The following HIVEP3 variants were observed in gnomAD, a reference collection of about 807,000 sequenced individuals.
HIVEP3 encodes transcription factor HIVEP3.
Under a neutral mutation model 152.8 loss-of-function variants are expected in HIVEP3, and 49 were observed. The observed-to-expected ratio is 0.32, with a 90% confidence interval of 0.26 to 0.41. The LOEUF is 0.41. Ranked by LOEUF, HIVEP3 falls within the 10% of genes least tolerant of loss-of-function variation. The probability of loss-of-function intolerance (pLI) is 1.00; values close to 1 mark genes in which losing one functional copy is unlikely to be tolerated. For missense variants in HIVEP3, 2,790 were observed against 3,103.3 expected (o/e 0.90, Z 2.40); for synonymous variants, 1,269 against 1,289.0 (o/e 0.98, Z 0.33).
At chr1:41,955,914 GA>G (rs546293479) in intron 1 of HIVEP3, among the ~76,000 whole-genome samples, 2 of 152,334 alleles carry the variant, frequency 1.3e-5, no homozygotes, top group South Asian at 4.1e-4. Flanking sequence ...GGAAGATCTG[GA>G]AATTGAAGGA....
chr1:41,852,329 C>T (rs892684874), intron 1 of HIVEP3, among the ~76,000 whole-genome samples: 1 of 152,244 alleles, frequency 6.6e-6, no homozygotes, highest in African/African-American at 2.4e-5. Context: ...AGGAGAAGAC[C>T]ACTGTGAGAG....
intron 1 of HIVEP3, among the ~76,000 whole-genome samples, chr1:41,719,105 A>G (rs963348005): frequency 3.3e-5 from 5 of 152,276 alleles, no homozygotes; most frequent in Non-Finnish European, 7.3e-5. Flanking sequence ...GTGCTGCTGC[A>G]GCTAAAGACA....
chr1:41,623,259 A>C (rs1296698439), intron 3 of HIVEP3, among the ~76,000 whole-genome samples: 1 of 152,176 alleles, frequency 6.6e-6, no homozygotes, highest in African/African-American at 2.4e-5. Context: ...AGAAACCACG[A>C]AACTTCCTAC....
chr1:41,618,481 C>A (rs898539725), intron 3 of HIVEP3, among the ~76,000 whole-genome samples: 4 of 152,214 alleles, frequency 2.6e-5, no homozygotes, highest in Non-Finnish European at 5.9e-5. Context: ...TGGCTCCTGG[C>A]AGCCTCCTAC....
chr1:41,552,776 C>A (rs1235878523), intron 5 of HIVEP3, among the ~76,000 whole-genome samples: 1 of 152,130 alleles, frequency 6.6e-6, no homozygotes, highest in East Asian at 1.9e-4. Flanking sequence ...AGTTCTAGAT[C>A]CCTGAACTCA....
intron 5 of HIVEP3, 94 bp from the exon 6 acceptor site, chr1:41,525,004 C>A: frequency 8.3e-7 from 1 of 1,200,784 alleles, no homozygotes; most frequent in African/African-American, 1.5e-5. Context: ...ATTCATCCAG[C>A]CCGTTACAGA....
chr1:41,657,306 C>A (rs1645643201), intron 2 of HIVEP3, among the ~76,000 whole-genome samples: 1 of 152,194 alleles, frequency 6.6e-6, no homozygotes, highest in Admixed American at 6.5e-5. Context: ...AAGCTCACAT[C>A]CTCGTCTCTG....
At chr1:41,880,069 T>C (rs1644237015) in intron 1 of HIVEP3, among the ~76,000 whole-genome samples, 1 of 152,098 alleles carries the variant, frequency 6.6e-6, no homozygotes, top group Non-Finnish European at 1.5e-5. Context: ...CTCTCTTTTT[T>C]CTTTTTTCTG....
chr1:41,627,900 C>A (rs895344869), intron 3 of HIVEP3, among the ~76,000 whole-genome samples: 1 of 151,668 alleles, frequency 6.6e-6, no homozygotes, highest in Non-Finnish European at 1.5e-5. Flanking sequence ...CCCTCCCTTC[C>A]TTCCTTCCTT....
intron 1 of HIVEP3, among the ~76,000 whole-genome samples, chr1:41,996,158 T>C (rs1645394435): frequency 6.6e-6 from 1 of 151,818 alleles, no homozygotes; most frequent in African/African-American, 2.4e-5. Context: ...ATCAGGAGGC[T>C]GAGGTGAGAG....
At position 41,510,030 on chromosome 1, in the gene HIVEP3, T is replaced by G. The variant is rs1172718600; in HGVS notation, c.*421A>C. ...TGATCGCATCTGTACACAGGAGTGC[T>G]TCCTTTTACATTTAATTCTATATTG... On this transcript the variant is annotated 3_prime_UTR_variant, in exon 9 of 9. Transcript: ENST00000372583. 6.5e-6 allele frequency: 1 copy of G among 154,192 alleles called. No homozygotes were observed. Among genetic ancestry groups the G allele is most frequent in the Admixed American group, 6.5e-5 (1 of 15,322 alleles). 9.6% of individuals were successfully genotyped at this position (154,192 alleles called of 1,614,324 possible).
chr1:41,641,389 C>G (rs1003155969), intron 2 of HIVEP3, among the ~76,000 whole-genome samples: 2 of 152,212 alleles, frequency 1.3e-5, no homozygotes, highest in Non-Finnish European at 2.9e-5. Context: ...TCCGGGGACC[C>G]AGCCAGGCTT....
chr1:41,679,060 T>C (rs560528998), intron 2 of HIVEP3, among the ~76,000 whole-genome samples: 26 of 152,286 alleles, frequency 1.7e-4, no homozygotes, highest in Non-Finnish European at 3.4e-4. Context: ...AAGGGATACA[T>C]CTCAAGGATC....
chr1:41,662,914 C>G lies in HIVEP3; in HGVS notation c.-720-33967G>C, dbSNP rs927879542. Among the ~76,000 whole-genome samples, 9 of 151,990 alleles carry G rather than the reference C, an allele frequency of 5.9e-5. No homozygotes were observed. The highest frequency in any genetic ancestry group is 2.2e-4 in the African/African-American group (9 of 41,424). On this transcript the variant is annotated intron_variant, in intron 2 of 8. Transcript: ENST00000372583. The surrounding 1 kb of genome is among the most constrained non-coding windows in gnomAD (Gnocchi z 7.2). ...GGTGCCAGCCGGGCTCCGGGAAGCC[C>G]GCGCCTCCCCAGGCGGGAATCCGCT... is the stretch of plus-strand genomic sequence containing the variant.
At chr1:41,969,046 A>G (rs139237501) in intron 1 of HIVEP3, among the ~76,000 whole-genome samples, 2,436 of 152,304 alleles carry the variant, frequency 0.016, 38 homozygotes, top group Non-Finnish European at 0.021. Context: ...ACTACTGCTC[A>G]AGGAAATCAG....
At chr1:41,702,198 T>A (rs1476553405) in intron 1 of HIVEP3, among the ~76,000 whole-genome samples, 1 of 152,008 alleles carries the variant, frequency 6.6e-6, no homozygotes, top group Admixed American at 6.6e-5. Context: ...ATCACCATCA[T>A]CCCCACCAAC....
intron 3 of HIVEP3, among the ~76,000 whole-genome samples, chr1:41,613,014 C>T (rs1644919774): frequency 6.6e-6 from 1 of 152,214 alleles, no homozygotes; most frequent in Non-Finnish European, 1.5e-5. Context: ...CAGGAAGCGC[C>T]CAAGGAAGCT....
intron 1 of HIVEP3, among the ~76,000 whole-genome samples, chr1:41,829,858 C>T (rs1026016137): frequency 3.3e-5 from 5 of 151,052 alleles, no homozygotes; most frequent in African/African-American, 4.9e-5. Context: ...ACCTGTAAAG[C>T]GGAAAGATCT....
intron 5 of HIVEP3, among the ~76,000 whole-genome samples, chr1:41,557,207 T>C (rs970791211): frequency 2.0e-5 from 3 of 152,204 alleles, no homozygotes; most frequent in Non-Finnish European, 4.4e-5. Flanking sequence ...GTAAACTATC[T>C]ATGGCATCTG....
Sources: gnomAD v4.1 joint callset for allele counts (sites outside exome capture counted in the v4.1 genomes callset) on GRCh38, gnomAD v4.1.1 for gene constraint, Gnocchi (gnomAD v3.1) non-coding constraint, MANE v1.5 for transcripts, NCBI Gene and HGNC (gene_info 2026-07-23, HGNC 2026-07-21) for gene names.